THADA: variants seen among roughly 807,000 people sequenced by gnomAD.
THADA encodes THADA armadillo repeat containing.
THADA carries 213 observed loss-of-function variants against 219.8 expected under a neutral mutation model. The ratio of observed to expected loss-of-function variants is 0.97; its 90% CI spans 0.87 to 1.09. The LOEUF (loss-of-function observed/expected upper bound fraction) is 1.09. Among genes scored for constraint, THADA ranks in the 50% least tolerant of loss-of-function variants. The probability of loss-of-function intolerance (pLI) is 0.00; values close to 1 mark genes in which losing one functional copy is unlikely to be tolerated. For missense variants in THADA, 2,956 were observed against 2,311.3 expected (o/e 1.28, Z -5.72); for synonymous variants, 1,018 against 828.9 (o/e 1.23, Z -3.92).
intron 28 of THADA, among the ~76,000 whole-genome samples, chr2:43,423,936 T>C (rs908804459): frequency 2.6e-5 from 4 of 152,216 alleles, no homozygotes; most frequent in Non-Finnish European, 5.9e-5. Context: ...TTTTAAAGCA[T>C]GAATTATTCT....
chr2:43,245,172 C>CTTCTTCTTTTTTTTT (rs796699945), intron 36 of THADA, among the ~76,000 whole-genome samples: 3 of 103,144 alleles, frequency 2.9e-5, no homozygotes, highest in African/African-American at 1.5e-4. Context: ...CTTTCTTCTT[C>CTTCTTCTTTTTTTTT]TTTTTTTTTT....
intron 28 of THADA, among the ~76,000 whole-genome samples, chr2:43,419,581 T>TTG (rs1677436471): frequency 6.6e-6 from 1 of 152,184 alleles, no homozygotes; most frequent in Admixed American, 6.5e-5. Flanking sequence ...CCAATTCTTA[T>TTG]TTTCTTCTGG....
At chr2:43,432,863 G>A (rs1679549480) in intron 26 of THADA, among the ~76,000 whole-genome samples, 2 of 152,164 alleles carry the variant, frequency 1.3e-5, no homozygotes, top group Admixed American at 1.3e-4. Context: ...ATTTTTAATA[G>A]GTTGCTTTTC....
chr2:43,553,114 C>G (rs1018197530), intron 17 of THADA, among the ~76,000 whole-genome samples: 1 of 152,188 alleles, frequency 6.6e-6, no homozygotes, highest in African/African-American at 2.4e-5. Context: ...TATAGCCATA[C>G]CACATGGATA....
In THADA at chr2:43,279,871, C is replaced by G; in HGVS notation, c.5190G>C (p.Trp1730Cys). 4 of 1,559,070 alleles carry G rather than the reference C, an allele frequency of 2.6e-6. No homozygotes were observed. The South Asian group carries it at 4.9e-5, about 19-fold the overall frequency. Residue 1730 changes from tryptophan to cysteine, a missense_variant, in exon 36 of 38, where the codon TGG (tryptophan) becomes TGC (cysteine). Physicochemically the swap from Trp to Cys is radical, Grantham distance 215. Coordinates refer to ENST00000405975, the MANE Select transcript of THADA (RefSeq NM_022065.5). ...ILELQDTLAL[W>C]KCVLTLLQSE... ...TCTGCAGAAGGGTAAGGACACACTT[C>G]CAGAGAGCAAGTGTATCCTGCAACT...
chr2:43,332,154 T>C, intron 30 of THADA, among the ~76,000 whole-genome samples: 1 of 152,344 alleles, frequency 6.6e-6, no homozygotes, highest in African/African-American at 2.4e-5. Flanking sequence ...GGCACGATCT[T>C]GGCTCACTGC....
At chr2:43,354,629 CT>C (rs1268563897) in intron 29 of THADA, among the ~76,000 whole-genome samples, 2 of 152,100 alleles carry the variant, frequency 1.3e-5, no homozygotes, top group African/African-American at 2.4e-5. Context: ...CTGTGCCTGG[CT>C]TATTTCACTT....
intron 22 of THADA, among the ~76,000 whole-genome samples, chr2:43,513,314 A>G (rs919279682): frequency 6.6e-6 from 1 of 152,200 alleles, no homozygotes; most frequent in Non-Finnish European, 1.5e-5. Flanking sequence ...AACAATATGC[A>G]AAATATACAA....
chr2:43,573,040 T>C, intron 11 of THADA, 48 bp from the exon 12 acceptor site: 2 of 1,381,626 alleles, frequency 1.4e-6, no homozygotes, highest in Non-Finnish European at 1.9e-6. Flanking sequence ...CAATGACTAC[T>C]ATAATTATCA....
intron 36 of THADA, among the ~76,000 whole-genome samples, chr2:43,278,781 T>A (rs191327745): frequency 3.9e-5 from 6 of 152,344 alleles, no homozygotes; most frequent in Admixed American, 3.9e-4. Flanking sequence ...CACAATCCTG[T>A]GTCCTGCCTT....
At chr2:43,549,080 T>C (rs1196312102) in intron 20 of THADA, 130 bp downstream of exon 20, 1 of 922,634 alleles carries the variant, frequency 1.1e-6, no homozygotes, top group African/African-American at 1.8e-5. Flanking sequence ...ACAAAATTTT[T>C]AAAAAACTTT....
chr2:43,529,718 G>A (rs1693622279), intron 21 of THADA, among the ~76,000 whole-genome samples: 1 of 152,020 alleles, frequency 6.6e-6, no homozygotes, highest in Non-Finnish European at 1.5e-5. Context: ...ATCACAGGAT[G>A]GTAAAAGACA....
At chr2:43,264,288 C>CT (rs397868826) in intron 36 of THADA, among the ~76,000 whole-genome samples, 10,330 of 141,106 alleles carry the variant, frequency 0.073, 444 homozygotes, top group South Asian at 0.19. Context: ...TTTTTCTTTT[C>CT]TTTTTTTTTT....
rs187302771 is a variant in THADA at position 43,573,715 on chromosome 2, C to G, written c.1729+621G>C. 1.2e-3 allele frequency among the ~76,000 whole-genome samples: 182 copies of G among 150,918 alleles called. No homozygotes were observed. The Middle Eastern group carries it at 0.014, about 11-fold the overall frequency. On this transcript the variant is annotated intron_variant, in intron 11 of 37. Coordinates refer to ENST00000405975, the MANE Select transcript of THADA (RefSeq NM_022065.5). ...TTTCTTAAAATTATGCTGTACGATA[C>G]TACATTCTTGCTTTGTTAAACAGAA...
chr2:43,343,971 C>T (rs1162761393), intron 30 of THADA, 151 bp downstream of exon 30: 4 of 556,932 alleles, frequency 7.2e-6, no homozygotes, highest in African/African-American at 3.8e-5. Context: ...CTTTCTTTAC[C>T]ACAACCCAAA....
chr2:43,346,666 T>C (rs181146612), intron 29 of THADA, among the ~76,000 whole-genome samples: 1 of 152,314 alleles, frequency 6.6e-6, no homozygotes, highest in South Asian at 2.1e-4. Context: ...TTGGCAAACA[T>C]TGTCAACAAA....
intron 17 of THADA, among the ~76,000 whole-genome samples, chr2:43,554,227 T>C (rs1697086351): frequency 1.3e-5 from 2 of 152,196 alleles, no homozygotes; most frequent in African/African-American, 2.4e-5. Context: ...CTTCCAAGAA[T>C]TTTATAGTTT....
At chr2:43,432,790 C>G (rs1323161193) in intron 26 of THADA, among the ~76,000 whole-genome samples, 1 of 152,150 alleles carries the variant, frequency 6.6e-6, no homozygotes, top group African/African-American at 2.4e-5. Flanking sequence ...ACGTTGAGCA[C>G]TTTTCATGTG....
rs551447967 is a variant in THADA at position 43,591,022 on chromosome 2, C to G, written c.172-68G>C. On this transcript the variant is annotated intron_variant, in intron 3 of 37. Transcript: ENST00000405975. ...TAGCAAAGTAACATGGTTACAGATA[C>G]TCTTTGAAGTCTCAATTGCTGGGTA... The G allele has an allele frequency of 3.7e-5, 54 of 1,471,178 alleles. 1 individual carries two copies. In the South Asian group the frequency reaches 6.2e-4, roughly 17 times the overall value. The allele number at this position is 1,471,178 out of a possible 1,614,324, so 91.1% of individuals were successfully genotyped here. A position where few individuals can be genotyped will look rare whatever the true frequency, so the allele number is the denominator to read the frequency against.
Sources: allele counts gnomAD v4.1 joint callset (sites outside exome capture counted in the v4.1 genomes callset), GRCh38; gene constraint gnomAD v4.1.1; transcripts MANE v1.5; gene names NCBI Gene and HGNC (gene_info 2026-07-23, HGNC 2026-07-21).